OCRL: variants seen among roughly 807,000 people sequenced by gnomAD.
OCRL encodes the protein OCRL inositol polyphosphate-5-phosphatase.
Under a neutral mutation model 78.9 loss-of-function variants are expected in OCRL, and 8 were observed. That is an observed-to-expected ratio of 0.10 (90% CI 0.06 to 0.18). The LOEUF (loss-of-function observed/expected upper bound fraction) is 0.18. Ranked by LOEUF, OCRL falls within the 10% of genes least tolerant of loss-of-function variation. OCRL has a pLI of 1.00. For missense variants in OCRL, 454 were observed against 696.7 expected, an observed-to-expected ratio of 0.65 and a Z score of 3.92; for synonymous variants, 240 against 235.4, an observed-to-expected ratio of 1.02 and a Z score of -0.18.
chrX:129,555,789 T>TTG (rs1241537944), intron 4 of OCRL, among the ~76,000 whole-genome samples: 1 of 112,282 alleles, frequency 8.9e-6, no homozygotes, highest in African/African-American at 3.2e-5. Context: ...AATTGTGTGT[T>TTG]TGTGTGTGTG....
chrX:129,548,069 T>C (rs1294435966), intron 3 of OCRL, among the ~76,000 whole-genome samples: 1 of 111,662 alleles, frequency 9.0e-6, no homozygotes, highest in Non-Finnish European at 1.9e-5. Flanking sequence ...TCTGCCCCCA[T>C]GTGTGGGGCA....
intron 18 of OCRL, among the ~76,000 whole-genome samples, chrX:129,577,893 G>A (rs1569462092): frequency 9.0e-6 from 1 of 111,491 alleles, no homozygotes. Context: ...AATACATTTT[G>A]GATGATGAAG....
chrX:129,569,416 A>G lies in OCRL; in HGVS notation c.1602+17A>G. On this transcript the variant is annotated intron_variant, in intron 15 of 23. Transcript: ENST00000371113. ...CATATTGGGGTAAACACTTGTTTGTACATTCATTTATTTGTGTGTTAAGTA... is the reference window on the plus strand; with the variant it reads ...CATATTGGGGTAAACACTTGTTTGTGCATTCATTTATTTGTGTGTTAAGTA... 1 of 1,201,321 alleles carries G rather than the reference A, an allele frequency of 8.3e-7. No individual in the cohort carries two copies. Among genetic ancestry groups the G allele is most frequent in the East Asian group, 3.0e-5 (1 of 33,789 alleles).
At position 129,589,966 on chromosome X, in the gene OCRL, C is replaced by T; in HGVS notation, c.2581+10C>T. 1 of 1,161,753 alleles carries T rather than the reference C, an allele frequency of 8.6e-7. No homozygotes were observed. The highest frequency in any genetic ancestry group is 2.4e-4 in the Middle Eastern group (1 of 4,235). On this transcript the variant is annotated intron_variant, in intron 23 of 23. Coordinates refer to ENST00000371113, the MANE Select transcript of OCRL (RefSeq NM_000276.4). ...AATGCCAACATGATCGGTAAGAGTG[C>T]TTCATGCAACACGGGGCGTTTGTTG...
At chrX:129,574,529 G>T (rs1936343490) in intron 15 of OCRL, among the ~76,000 whole-genome samples, 1 of 112,010 alleles carries the variant, frequency 8.9e-6, no homozygotes, top group South Asian at 3.7e-4. Context: ...CTGCTATTAT[G>T]TAATCTGAGC....
Position 129,575,887 on chromosome X carries a change from T to C in OCRL, c.1714-10T>C. 1.7e-6 allele frequency: 2 copies of C among 1,211,675 alleles called. No homozygotes were observed. The highest frequency in any genetic ancestry group is 2.2e-6 in the Non-Finnish European group (2 of 895,137). ...GTGATGCATGTTTGTGTCTGTCTGTTATTCCCCAGTTTGTGTTTGAAAATG... is the reference window on the plus strand; with the variant it reads ...GTGATGCATGTTTGTGTCTGTCTGTCATTCCCCAGTTTGTGTTTGAAAATG... On this transcript the variant is annotated splice_polypyrimidine_tract_variant and intron_variant, in intron 16 of 23. Transcript: ENST00000371113.
chrX:129,553,562 A>C (rs902002612), intron 4 of OCRL, among the ~76,000 whole-genome samples: 1 of 112,305 alleles, frequency 8.9e-6, no homozygotes, highest in South Asian at 3.7e-4. Context: ...TTGTAAGATT[A>C]CTGAGAGAAT....
At chrX:129,544,399 A>G (rs1935849791) in intron 2 of OCRL, among the ~76,000 whole-genome samples, 1 of 111,553 alleles carries the variant, frequency 9.0e-6, no homozygotes, top group Non-Finnish European at 1.9e-5. Flanking sequence ...TTGGTCACTG[A>G]TATTTTGACC....
intron 18 of OCRL, among the ~76,000 whole-genome samples, chrX:129,579,385 T>C (rs1015785404): frequency 4.5e-5 from 5 of 111,746 alleles, no homozygotes; most frequent in Non-Finnish European, 9.4e-5. Context: ...GATGATGCTG[T>C]TAATAATGGT....
chrX:129,565,215 T>C (rs1202938767), intron 12 of OCRL, among the ~76,000 whole-genome samples: 1 of 111,925 alleles, frequency 8.9e-6, no homozygotes, highest in Non-Finnish European at 1.9e-5. Context: ...GTTGCTGTTA[T>C]TGGGAGCTGA....
chrX:129,568,298 CTCTT>C (rs1351491410), intron 14 of OCRL, among the ~76,000 whole-genome samples: 18 of 111,991 alleles, frequency 1.6e-4, no homozygotes, highest in South Asian at 1.1e-3. Context: ...TACCTACTAT[CTCTT>C]TCTTTTCTTT....
intron 18 of OCRL, among the ~76,000 whole-genome samples, chrX:129,581,722 C>T (rs998195854): frequency 1.1e-4 from 10 of 89,727 alleles, no homozygotes; most frequent in Non-Finnish European, 2.0e-4. Context: ...TATATACACA[C>T]ACCTGTGTGT....
In OCRL at chrX:129,590,281, G is replaced by C. The variant is rs371100360; in HGVS notation, c.*11G>C. 40 of 1,208,294 alleles carry C rather than the reference G, an allele frequency of 3.3e-5. No homozygotes were observed. The highest frequency in any genetic ancestry group is 3.9e-5 in the Non-Finnish European group (35 of 894,545). ...AGCGAAGAAGACTAAGGCTTTTACT[G>C]TTCTCTGATATTCTAGAAGCAGACG... On this transcript the variant is annotated 3_prime_UTR_variant, in exon 24 of 24. Transcript: ENST00000371113.
intron 4 of OCRL, among the ~76,000 whole-genome samples, chrX:129,556,768 C>T (rs1257406553): frequency 8.9e-6 from 1 of 112,436 alleles, no homozygotes; most frequent in Non-Finnish European, 1.9e-5. Context: ...ACATTTTAAA[C>T]TTGAGGTAAT....
At chrX:129,549,907 G>A (rs1045158667) in intron 4 of OCRL, 3 of 111,958 alleles carry the variant, frequency 2.7e-5, no homozygotes, top group African/African-American at 9.7e-5. Flanking sequence ...TGGCTCATAG[G>A]GGGAAAATAG....
intron 15 of OCRL, among the ~76,000 whole-genome samples, chrX:129,574,857 A>G (rs1279775714): frequency 8.9e-6 from 1 of 112,634 alleles, no homozygotes. Flanking sequence ...GTGTGCTTCT[A>G]TAATGCTTTG....
intron 16 of OCRL, 26 bp downstream of exon 16, chrX:129,575,276 G>A (rs1569461592): frequency 2.1e-6 from 2 of 966,058 alleles, no homozygotes; most frequent in South Asian, 3.9e-5. Flanking sequence ...TGATCTCCCT[G>A]TCTACTGCTC....
At chrX:129,567,790 T>C (rs1214791494) in intron 14 of OCRL, among the ~76,000 whole-genome samples, 4 of 111,690 alleles carry the variant, frequency 3.6e-5, no homozygotes, top group Non-Finnish European at 7.5e-5. Flanking sequence ...CACCAGTAGC[T>C]CTCAATCCTT....
At position 129,560,538 on chromosome X, in the gene OCRL, A is replaced by G; in HGVS notation, c.723-12A>G. On this transcript the variant is annotated splice_polypyrimidine_tract_variant and intron_variant, in intron 8 of 23. Transcript: ENST00000371113. ...CTTTGTTTTCAAATTATCTTTTCGT[A>G]TTATGTATTAGATTTTTTGTTGGAA... The G allele has an allele frequency of 1.8e-6, 2 of 1,102,263 alleles. No homozygotes were observed. 90.8% of individuals were successfully genotyped at this position (1,102,263 alleles called of 1,213,427 possible).
Sources: allele counts gnomAD v4.1 joint callset (sites outside exome capture counted in the v4.1 genomes callset), GRCh38; gene constraint gnomAD v4.1.1; transcripts MANE v1.5; gene names NCBI Gene and HGNC (gene_info 2026-07-23, HGNC 2026-07-21).